Variants in JPH3 observed in about 807,000 individuals in gnomAD.
The protein encoded by JPH3 is junctophilin 3.
In JPH3, 11 loss-of-function variants were observed where a neutral mutation model predicts 59.6. The observed-to-expected ratio is 0.18, with a 90% CI of 0.12 to 0.31. The LOEUF (loss-of-function observed/expected upper bound fraction) is 0.31. Among genes scored for constraint, JPH3 ranks in the 10% least tolerant of loss-of-function variants. The pLI is 1.00. For synonymous variants in JPH3, 673 were observed against 483.6 expected, an observed-to-expected ratio of 1.39 and a Z score of -5.14; for missense variants, 1,202 against 1,105.7, an observed-to-expected ratio of 1.09 and a Z score of -1.24.
chr16:87,618,128 C>T (rs1377315778), intron 1 of JPH3, among the ~76,000 whole-genome samples: 2 of 152,130 alleles, frequency 1.3e-5, no homozygotes, highest in African/African-American at 4.8e-5. Context: ...TGGGCCACTG[C>T]ACTCTAGCCT....
chr16:87,689,700 T>C lies in JPH3; in HGVS notation c.1340T>C (p.Leu447Pro), dbSNP rs773910203. The C allele has an allele frequency of 6.2e-7, 1 of 1,612,464 alleles. No individual in the cohort carries two copies. Among genetic ancestry groups the C allele is most frequent in the Non-Finnish European group, 8.5e-7 (1 of 1,179,784 alleles). Residue 447 changes from leucine to proline, a missense_variant, in exon 4 of 5, where the codon CTG becomes CCG. Coordinates refer to ENST00000284262, the MANE Select transcript of JPH3 (RefSeq NM_020655.4). ...ACCTCCTGTGACGACATCGAGGTGC[T>C]GTCCACCGGGACACCCCTGCAGCAG... Reference protein sequence around the residue: ...RQTSCDDIEVLSTGTPLQQES... With the variant: ...RQTSCDDIEVPSTGTPLQQES...
intron 1 of JPH3, among the ~76,000 whole-genome samples, chr16:87,628,448 C>G (rs2031455774): frequency 6.6e-6 from 1 of 152,234 alleles, no homozygotes; most frequent in South Asian, 2.1e-4. Context: ...GGATCGTGAT[C>G]AGAGCCGGAG....
chr16:87,674,829 T>C (rs1473028042), intron 2 of JPH3, among the ~76,000 whole-genome samples: 5 of 152,256 alleles, frequency 3.3e-5, no homozygotes, highest in Admixed American at 1.3e-4. Context: ...GGCGCGATCT[T>C]GTCTCGCTGC....
At chr16:87,613,120 A>G (rs1284126277) in intron 1 of JPH3, among the ~76,000 whole-genome samples, 2 of 140,348 alleles carry the variant, frequency 1.4e-5, no homozygotes, top group Non-Finnish European at 1.5e-5. Context: ...TTTTTGAGAC[A>G]GAGTCTCACT....
In JPH3 at chr16:87,687,492, C is replaced by T. The variant is rs142311891; in HGVS notation, c.1286-2154C>T. 9.7e-4 allele frequency among the ~76,000 whole-genome samples: 148 copies of T among 152,282 alleles called. 1 individual carries two copies. Among genetic ancestry groups the T allele is most frequent in the African/African-American group, 3.3e-3 (136 of 41,560 alleles). On this transcript the variant is annotated intron_variant, in intron 3 of 4. Transcript: ENST00000284262. ...ACCGTCAGGGTTCTGCCCAAGGCCACGTGAAGGCAGGACCATGAAGGAGCC... is the reference window on the plus strand; with the variant it reads ...ACCGTCAGGGTTCTGCCCAAGGCCATGTGAAGGCAGGACCATGAAGGAGCC...
intron 1 of JPH3, among the ~76,000 whole-genome samples, chr16:87,622,739 C>G (rs1396815204): frequency 2.5e-5 from 1 of 40,306 alleles, no homozygotes; most frequent in African/African-American, 6.0e-5. Context: ...ATAAATCAGA[C>G]CCCCCCCCGC....
In JPH3 at chr16:87,627,181, C is replaced by G. The variant is rs373395439; in HGVS notation, c.383-17077C>G. On this transcript the variant is annotated intron_variant, in intron 1 of 4. Coordinates refer to ENST00000284262, the MANE Select transcript of JPH3 (RefSeq NM_020655.4). ...AACTCAAGCCTCTTTGCCCTAGAGC[C>G]GTGGCTCAGCTTGAGGAGCATTAGG... is the stretch of plus-strand genomic sequence containing the variant. 1.1e-4 allele frequency among the ~76,000 whole-genome samples: 17 copies of G among 152,204 alleles called. No homozygotes were observed. The South Asian group carries it at 3.1e-3, about 28-fold the overall frequency.
chr16:87,618,500 G>A (rs113792531), intron 1 of JPH3, among the ~76,000 whole-genome samples: 49 of 152,316 alleles, frequency 3.2e-4, no homozygotes, highest in South Asian at 1.2e-3. Context: ...TCCATGTGTC[G>A]TGCCCATTTT....
rs1433973326 is a variant in JPH3, at chr16:87,689,878, G to A, written c.1518G>A (p.Ser506=). 2.0e-6 allele frequency: 3 copies of A among 1,486,428 alleles called. No individual in the cohort carries two copies. The highest frequency in any genetic ancestry group is 2.2e-5 in the Admixed American group (1 of 44,926). The allele number at this position is 1,486,428 out of a possible 1,614,324, so 92.1% of individuals were successfully genotyped here. The stretch of plus-strand genomic sequence containing the variant: ...TCGCCCACTTCTCGAGGCAGGTGTC[G>A]GTGGACGAGGAGCGGGGCGGGGACA... ...NKVAHFSRQV[S]VDEERGGDIQ... Residue 506 remains serine, a synonymous_variant, in exon 4 of 5, where the codon TCG becomes TCA. Coordinates refer to ENST00000284262, the MANE Select transcript of JPH3 (RefSeq NM_020655.4).
chr16:87,624,581 C>T (rs575834183), intron 1 of JPH3, among the ~76,000 whole-genome samples: 1 of 152,360 alleles, frequency 6.6e-6, no homozygotes, highest in African/African-American at 2.4e-5. Flanking sequence ...GTGGAAACAG[C>T]CTAAAGCTGG....
intron 2 of JPH3, among the ~76,000 whole-genome samples, chr16:87,667,138 T>C (rs1296303932): frequency 6.6e-6 from 1 of 152,180 alleles, no homozygotes; most frequent in African/African-American, 2.4e-5. Flanking sequence ...GCCACGTCAC[T>C]TGTTGCTGCT....
In JPH3 at chr16:87,644,453, G is replaced by A. The variant is rs753586224; in HGVS notation, c.578G>A (p.Arg193His). Residue 193 changes from arginine (R) to histidine (H), a missense_variant, in exon 2 of 5, where the codon CGC becomes CAC. Physicochemically the swap from Arg to His is conservative, Grantham distance 29. Coordinates refer to ENST00000284262, the MANE Select transcript of JPH3 (RefSeq NM_020655.4). ...PAVAGSPAVSRGGFVLVAHSD... is the reference protein window; with the variant it reads ...PAVAGSPAVSHGGFVLVAHSD... Reference sequence around the variant, plus strand: ...GTGGCCGGCAGCCCGGCCGTGTCCCGCGGGGGCTTCGTGCTCGTGGCCCAC... The same window carrying A: ...GTGGCCGGCAGCCCGGCCGTGTCCCACGGGGGCTTCGTGCTCGTGGCCCAC... 83 of 1,612,452 alleles carry A rather than the reference G, an allele frequency of 5.1e-5. No individual in the cohort carries two copies. The highest frequency in any genetic ancestry group is 1.6e-4 in the Middle Eastern group (1 of 6,082).
At chr16:87,651,449 C>A (rs556828429) in intron 2 of JPH3, among the ~76,000 whole-genome samples, 12 of 152,290 alleles carry the variant, frequency 7.9e-5, no homozygotes, top group African/African-American at 2.9e-4. Context: ...CCATTGAAAA[C>A]CTTCTGGAAA....
rs868059939 is a variant in JPH3 at position 87,602,576 on chromosome 16, C to A, written c.-571C>A. Among the ~76,000 whole-genome samples, 10 of 142,046 alleles carry A rather than the reference C, an allele frequency of 7.0e-5. No homozygotes were observed. The highest frequency in any genetic ancestry group is 3.4e-4 in the Admixed American group (5 of 14,510). The allele number at this position is 142,046 out of a possible 152,430, so 93.2% of individuals were successfully genotyped here. On this transcript the variant is annotated 5_prime_UTR_variant, in exon 1 of 5. Transcript: ENST00000284262. ...GCCGCCGCCGCCGCCCGAGCCGCCG[C>A]ATTGCTGCTGCTGCTGCCGCCGCCG... is the stretch of plus-strand genomic sequence containing the variant.
At chr16:87,656,179 C>T (rs893575340) in intron 2 of JPH3, among the ~76,000 whole-genome samples, 2 of 151,826 alleles carry the variant, frequency 1.3e-5, no homozygotes, top group African/African-American at 4.8e-5. Flanking sequence ...TCAGAGCACA[C>T]TCTGTGTTGC....
intron 1 of JPH3, among the ~76,000 whole-genome samples, chr16:87,626,154 G>A (rs2031368029): frequency 6.6e-6 from 1 of 152,188 alleles, no homozygotes; most frequent in Non-Finnish European, 1.5e-5. Flanking sequence ...GGGGTCTCAT[G>A]TCTGTGGGGC....
intron 2 of JPH3, among the ~76,000 whole-genome samples, chr16:87,659,672 G>A (rs897637388): frequency 6.6e-6 from 1 of 151,998 alleles, no homozygotes; most frequent in African/African-American, 2.4e-5. Flanking sequence ...GACGAAGGTT[G>A]CAGTAAGCCG....
chr16:87,691,910 C>T (rs1051945721), intron 4 of JPH3, among the ~76,000 whole-genome samples: 5 of 151,954 alleles, frequency 3.3e-5, no homozygotes, highest in Non-Finnish European at 7.4e-5. Flanking sequence ...GGTGTAGGGA[C>T]GGGTTCTATT....
intron 2 of JPH3, among the ~76,000 whole-genome samples, chr16:87,645,399 G>A (rs73236288): frequency 0.013 from 2,049 of 152,346 alleles, 60 homozygotes; most frequent in African/African-American, 0.047. Flanking sequence ...CTAGCTAGTA[G>A]GGGTGACACC....
Sources: allele counts gnomAD v4.1 joint callset (sites outside exome capture counted in the v4.1 genomes callset), GRCh38; gene constraint gnomAD v4.1.1; transcripts MANE v1.5; gene names NCBI Gene and HGNC (gene_info 2026-07-23, HGNC 2026-07-21).